DIP2C: variants seen among roughly 807,000 people sequenced by gnomAD.
The protein encoded by DIP2C is disco-interacting protein 2 homolog C.
In DIP2C, 33 loss-of-function variants were observed where a neutral mutation model predicts 192.4. The ratio of observed to expected loss-of-function variants is 0.17; its 90% CI spans 0.13 to 0.23. The LOEUF (loss-of-function observed/expected upper bound fraction) is 0.23, where lower values mean the gene tolerates loss of function less well. Ranked by LOEUF, DIP2C falls within the 10% of genes least tolerant of loss-of-function variation. DIP2C has a pLI of 1.00. For missense variants in DIP2C, 1,537 were observed against 2,110.1 expected (o/e 0.73, Z 5.32); for synonymous variants, 979 against 864.1 (o/e 1.13, Z -2.33).
intron 1 of DIP2C, among the ~76,000 whole-genome samples, chr10:586,930 G>T (rs569078896): frequency 5.9e-5 from 9 of 151,992 alleles, no homozygotes; most frequent in African/African-American, 2.2e-4. Flanking sequence ...CCCACTGACA[G>T]CATGGGGAGG....
chr10:534,990 TAAC>T (rs1246185731), intron 1 of DIP2C, among the ~76,000 whole-genome samples: 1 of 152,186 alleles, frequency 6.6e-6, no homozygotes, highest in Non-Finnish European at 1.5e-5. Context: ...TGATTATTTT[TAAC>T]AATAGGTACT....
At position 397,622 on chromosome 10, in the gene DIP2C, G is replaced by A. The variant is rs755843021; in HGVS notation, c.1260+1487C>T. 4.9e-4 allele frequency among the ~76,000 whole-genome samples: 75 copies of A among 152,154 alleles called. 1 individual carries two copies. Among genetic ancestry groups the A allele is most frequent in the African/African-American group, 1.6e-3 (65 of 41,488 alleles). ...TCAGACCTGGGCAGTCCCTTGGGGC[G>A]CGTGCTGCTGGCTTCCTCCTACACG... On this transcript the variant is annotated intron_variant, in intron 10 of 36. Coordinates refer to ENST00000280886, the MANE Select transcript of DIP2C (RefSeq NM_014974.3).
At chr10:397,106 T>C (rs1964048692) in intron 10 of DIP2C, among the ~76,000 whole-genome samples, 1 of 152,234 alleles carries the variant, frequency 6.6e-6, no homozygotes, top group Non-Finnish European at 1.5e-5. Context: ...GATGGTTTTC[T>C]TAAATATTGA....
At chr10:417,938 C>CCCTGTCCACCTGCACCTGTCAGAGCTCG (rs1564686178) in intron 6 of DIP2C, among the ~76,000 whole-genome samples, 8 of 25,906 alleles carry the variant, frequency 3.1e-4, no homozygotes, top group South Asian at 2.7e-3. Flanking sequence ...GTCAGGGCTT[C>CCCTGTCCACCTGCACCTGTCAGAGCTCG]GATAGGCCTC....
At chr10:525,498 A>G (rs1846995792) in intron 1 of DIP2C, among the ~76,000 whole-genome samples, 3 of 152,248 alleles carry the variant, frequency 2.0e-5, no homozygotes, top group Admixed American at 2.0e-4. Flanking sequence ...GAACAAATAC[A>G]AAGTGTTTGA....
intron 4 of DIP2C, among the ~76,000 whole-genome samples, chr10:428,523 A>T (rs1353109382): frequency 6.6e-6 from 1 of 152,066 alleles, no homozygotes; most frequent in East Asian, 1.9e-4. Flanking sequence ...GCATTGTTCA[A>T]ATGCTTCTCT....
intron 3 of DIP2C, among the ~76,000 whole-genome samples, chr10:463,364 C>T (rs1405922156): frequency 6.6e-6 from 1 of 152,116 alleles, no homozygotes; most frequent in Admixed American, 6.6e-5. Flanking sequence ...AATAGACCAA[C>T]AGGGGGCCAA....
chr10:656,947 G>A (rs1289776844), intron 1 of DIP2C, among the ~76,000 whole-genome samples: 1 of 152,234 alleles, frequency 6.6e-6, no homozygotes, highest in Non-Finnish European at 1.5e-5. Flanking sequence ...GGAACTCAAG[G>A]AGAAATGGCA....
chr10:337,807 C>CCTAGGCAGCTGTGTGTGTGTT (rs1957932824), intron 29 of DIP2C, among the ~76,000 whole-genome samples: 3 of 16,982 alleles, frequency 1.8e-4, no homozygotes, highest in African/African-American at 3.0e-4. Context: ...GCACGTGTGT[C>CCTAGGCAGCTGTGTGTGTGTT]GTGGAGGCCT....
rs144152523 is a variant in DIP2C, at chr10:386,939, T to C, written c.1662+806A>G. Among the ~76,000 whole-genome samples the C allele has an allele frequency of 2.0e-4, 31 of 152,248 alleles. No homozygotes were observed. In the East Asian group the frequency reaches 4.8e-3, roughly 24 times the overall value. On this transcript the variant is annotated intron_variant, in intron 14 of 36. Transcript: ENST00000280886. ...AACAAGGCTACTTCCCCACGAAAAG[T>C]GCCCAAGCCCGGCACGTCATCCAGG...
Position 678,822 on chromosome 10 carries a change from A to G in DIP2C, c.85+10672T>C, listed in dbSNP as rs1465209376. On this transcript the variant is annotated intron_variant, in intron 1 of 36. Transcript: ENST00000280886. ...CCCCACGCCCATGCTCCCCGCGCCC[A>G]TGCTCCCCACACCCGTGCTCCCCGC... Among the ~76,000 whole-genome samples the G allele has an allele frequency of 2.0e-3, 37 of 18,832 alleles. 1 individual carries two copies. Among genetic ancestry groups the G allele is most frequent in the Non-Finnish European group, 3.7e-3 (28 of 7,484 alleles). The allele number at this position is 18,832 out of a possible 152,430, so 12.4% of individuals were successfully genotyped here. A position where few individuals can be genotyped will look rare whatever the true frequency, so the allele number is the denominator to read the frequency against.
chr10:314,733 T>C (rs978854942), intron 31 of DIP2C, among the ~76,000 whole-genome samples: 9 of 152,200 alleles, frequency 5.9e-5, no homozygotes, highest in African/African-American at 1.9e-4. Flanking sequence ...AAGTCCCAGA[T>C]TGAGGCACCT....
chr10:498,984 C>T lies in DIP2C; in HGVS notation c.86-12454G>A, dbSNP rs187748402. ...TCTGCACCGCACAGCACTGCTGACT[C>T]GGAGAACAACTTCTGCTTTCCTTGA... On this transcript the variant is annotated intron_variant, in intron 1 of 36. Transcript: ENST00000280886. Among the ~76,000 whole-genome samples, 138 of 152,338 alleles carry T rather than the reference C, an allele frequency of 9.1e-4. 2 individuals carry two copies. The highest frequency in any genetic ancestry group is 6.6e-4 in the Non-Finnish European group (45 of 68,034).
chr10:643,217 C>CAA lies in DIP2C; in HGVS notation c.85+46275_85+46276dup, dbSNP rs59131339. 3.9e-4 allele frequency among the ~76,000 whole-genome samples: 39 copies of CAA among 99,598 alleles called. 1 individual carries two copies. Among genetic ancestry groups the CAA allele is most frequent in the African/African-American group, 7.9e-4 (25 of 31,670 alleles). The allele number at this position is 99,598 out of a possible 152,430, so 65.3% of individuals were successfully genotyped here. ...TGGGCAACAGAGTGAGACTCCGTCTCAAAAAAAAAAAAACAGGCCGGGCAC... is the reference window on the plus strand; with the variant it reads ...TGGGCAACAGAGTGAGACTCCGTCTCAAAAAAAAAAAAAAACAGGCCGGGCAC... On this transcript the variant is annotated intron_variant, in intron 1 of 36. Transcript: ENST00000280886.
Position 338,521 on chromosome 10 carries a change from C to T in DIP2C, c.3584+2678G>A, listed in dbSNP as rs556159512. 5.9e-5 allele frequency among the ~76,000 whole-genome samples: 9 copies of T among 152,170 alleles called. No individual in the cohort carries two copies. In the South Asian group the frequency reaches 1.9e-3, roughly 32 times the overall value. On this transcript the variant is annotated intron_variant, in intron 29 of 36. Transcript: ENST00000280886. ...CACACGACCACTTACCATCACGTTA[C>T]CGCTGCCCACAGCATTCAGTGCACT...
intron 3 of DIP2C, among the ~76,000 whole-genome samples, chr10:472,002 G>C (rs7903826): frequency 6.6e-6 from 1 of 152,008 alleles, no homozygotes; most frequent in South Asian, 2.1e-4. Flanking sequence ...AGACAACCCT[G>C]TGCAGACGGC....
chr10:471,612 C>T (rs1238193452), intron 3 of DIP2C, among the ~76,000 whole-genome samples: 3 of 152,200 alleles, frequency 2.0e-5, no homozygotes, highest in African/African-American at 7.2e-5. Flanking sequence ...GGGTCCATCA[C>T]CAGCGATCGC....
intron 2 of DIP2C, among the ~76,000 whole-genome samples, chr10:481,891 G>A (rs926265874): frequency 2.6e-5 from 4 of 152,216 alleles, no homozygotes; most frequent in African/African-American, 9.6e-5. Context: ...CATCCATACA[G>A]CAAATACCTG....
intron 1 of DIP2C, among the ~76,000 whole-genome samples, chr10:537,477 A>G (rs916110374): frequency 6.6e-6 from 1 of 152,084 alleles, no homozygotes; most frequent in African/African-American, 2.4e-5. Context: ...ATGCCCAAGG[A>G]AGCTCAGACA....
Sources: gnomAD v4.1 joint callset for allele counts (sites outside exome capture counted in the v4.1 genomes callset) on GRCh38, gnomAD v4.1.1 for gene constraint, MANE v1.5 for transcripts, NCBI Gene and HGNC (gene_info 2026-07-23, HGNC 2026-07-21) for gene names.